Variants in PVALB observed in about 807,000 individuals in gnomAD.
The protein encoded by PVALB is parvalbumin.
Under a neutral mutation model 10.9 loss-of-function variants are expected in PVALB, and 11 were observed. The ratio of observed to expected loss-of-function variants is 1.01; its 90% CI spans 0.63 to 1.67. PVALB has a LOEUF of 1.67. Among genes scored for constraint, PVALB ranks in the 40% most tolerant of loss-of-function variants. The pLI is 0.00. For synonymous variants in PVALB, 57 were observed against 50.7 expected, an observed-to-expected ratio of 1.12 and a Z score of -0.53; for missense variants, 131 against 136.2, an observed-to-expected ratio of 0.96 and a Z score of 0.19.
intron 3 of PVALB, among the ~76,000 whole-genome samples, chr22:36,804,258 C>A (rs1026968378): frequency 6.6e-6 from 1 of 152,154 alleles, no homozygotes; most frequent in East Asian, 1.9e-4. Context: ...GCTGGTGTGA[C>A]GGGGACCCAG....
chr22:36,809,613 A>T (rs1482269212), intron 3 of PVALB, among the ~76,000 whole-genome samples: 1 of 152,222 alleles, frequency 6.6e-6, no homozygotes, highest in Non-Finnish European at 1.5e-5. Context: ...TGGGAATCAT[A>T]ATAGTATACA....
In PVALB at chr22:36,815,096, C is replaced by T. The variant is rs944040624; in HGVS notation, c.194+7G>A. ...GGGCTGGGCAGCCCCTGCAGGCCTC[C>T]GCTTACCCCAGCTCATCCTCCTCGA... On this transcript the variant is annotated splice_region_variant and intron_variant, in intron 2 of 3. Transcript: ENST00000417718. 8.7e-6 allele frequency: 14 copies of T among 1,613,894 alleles called. No individual in the cohort carries two copies. The highest frequency in any genetic ancestry group is 1.7e-5 in the Admixed American group (1 of 59,998).
intron 3 of PVALB, among the ~76,000 whole-genome samples, chr22:36,803,644 G>T (rs2145945309): frequency 7.0e-6 from 1 of 143,358 alleles, no homozygotes; most frequent in African/African-American, 2.5e-5. Context: ...TAAAGGGAGA[G>T]AAAGATGAAT....
At chr22:36,818,992 C>T (rs1438925472), upstream of PVALB, among the ~76,000 whole-genome samples, 2 of 152,192 alleles carry the variant, frequency 1.3e-5, no homozygotes, top group Non-Finnish European at 2.9e-5. Context: ...CTCCTTCCTC[C>T]ATCTCTCCCT....
At chr22:36,803,579 A>G (rs552309431) in intron 3 of PVALB, among the ~76,000 whole-genome samples, 103 of 151,042 alleles carry the variant, frequency 6.8e-4, no homozygotes, top group Non-Finnish European at 1.2e-3. Context: ...GGATGGATGG[A>G]TGGATGAGGA....
At chr22:36,803,095 A>G (rs1231664142) in intron 3 of PVALB, among the ~76,000 whole-genome samples, 1 of 152,208 alleles carries the variant, frequency 6.6e-6, no homozygotes, top group African/African-American at 2.4e-5. Context: ...ATATTATCTC[A>G]TTGAATCCTC....
upstream of PVALB, chr22:36,817,301 C>T (rs936670745): frequency 3.0e-5 from 8 of 270,208 alleles, no homozygotes; most frequent in African/African-American, 1.8e-4. Context: ...AGGGAAGGGG[C>T]CACCTCTGGG....
rs375835904 is a variant in PVALB, at chr22:36,800,923, A to C, written c.305-5T>G. On this transcript the variant is annotated splice_polypyrimidine_tract_variant and splice_region_variant and intron_variant, in intron 3 of 3. Transcript: ENST00000417718. ...CAGCCACCAGAGTGGAGAATTCTGCAGAACAAAATGACAAGGAAAGTGAGT... is the reference window on the plus strand; with the variant it reads ...CAGCCACCAGAGTGGAGAATTCTGCCGAACAAAATGACAAGGAAAGTGAGT... 2.7e-5 allele frequency: 44 copies of C among 1,610,610 alleles called. No homozygotes were observed. In the African/African-American group the frequency reaches 5.5e-4, roughly 20 times the overall value.
upstream of PVALB, among the ~76,000 whole-genome samples, chr22:36,818,231 G>A (rs1485598945): frequency 6.6e-6 from 1 of 152,118 alleles, no homozygotes; most frequent in Non-Finnish European, 1.5e-5. Context: ...GTCCCATGTA[G>A]TGGGACCTGG....
chr22:36,806,399 G>T (rs781576405), intron 3 of PVALB, among the ~76,000 whole-genome samples: 2 of 152,146 alleles, frequency 1.3e-5, no homozygotes, highest in Non-Finnish European at 2.9e-5. Flanking sequence ...ACTGAAATTA[G>T]CCTAATTAGG....
At chr22:36,817,520 C>G (rs539768659), upstream of PVALB, 4 of 152,856 alleles carry the variant, frequency 2.6e-5, no homozygotes, top group South Asian at 8.3e-4. Flanking sequence ...AGCCTCTGCT[C>G]TGGTCTGTCC....
At chr22:36,801,324 A>G (rs1021464806) in intron 3 of PVALB, among the ~76,000 whole-genome samples, 9 of 152,134 alleles carry the variant, frequency 5.9e-5, no homozygotes, top group African/African-American at 2.2e-4. Context: ...TTCCTGTTCT[A>G]CAGATGAAGA....
At chr22:36,814,364 G>A (rs898811947) in intron 2 of PVALB, among the ~76,000 whole-genome samples, 1 of 151,946 alleles carries the variant, frequency 6.6e-6, no homozygotes, top group African/African-American at 2.4e-5. Context: ...CTAGACAGAA[G>A]GTACCCTTGT....
intron 1 of PVALB, 115 bp downstream of exon 1, chr22:36,816,830 G>C (rs1435791034): frequency 2.3e-6 from 2 of 859,928 alleles, no homozygotes; most frequent in Non-Finnish European, 3.4e-6. Flanking sequence ...CGCCCAGCGG[G>C]AAGTGTGGGC....
In PVALB at chr22:36,813,713, A is replaced by G. The variant is rs1273440441; in HGVS notation, c.237T>C (p.Ser79=). The part of the protein sequence containing the change: ...KGFSPDARDL[S]AKETKMLMAA... ...CCATCAGCATCTTGGTTTCTTTAGCAGACAGGTCTCTGGCATCTGGGGAGA... is the reference window on the plus strand; with the variant it reads ...CCATCAGCATCTTGGTTTCTTTAGCGGACAGGTCTCTGGCATCTGGGGAGA... Residue 79 remains serine, a synonymous_variant, in exon 3 of 4, where the codon TCT becomes TCC. Coordinates refer to ENST00000417718, the MANE Select transcript of PVALB (RefSeq NM_001315532.2). The G allele has an allele frequency of 6.2e-7, 1 of 1,614,128 alleles. No individual in the cohort carries two copies. The highest frequency in any genetic ancestry group is 1.7e-5 in the Admixed American group (1 of 60,024).
chr22:36,816,641 C>T (rs1394601395), intron 1 of PVALB, among the ~76,000 whole-genome samples: 2 of 152,224 alleles, frequency 1.3e-5, no homozygotes, highest in Admixed American at 6.5e-5. Context: ...GTCTCTCCTC[C>T]GACCCTGGTC....
At chr22:36,810,357 A>G (rs1203360397) in intron 3 of PVALB, among the ~76,000 whole-genome samples, 1 of 152,160 alleles carries the variant, frequency 6.6e-6, no homozygotes. Context: ...CTGGGCCCCA[A>G]AAAGGCTCTG....
chr22:36,817,606 G>GCAGGGA (rs1174732598), upstream of PVALB: 1 of 155,090 alleles, frequency 6.4e-6, no homozygotes, highest in African/African-American at 2.4e-5. Context: ...GGAGGAGGTG[G>GCAGGGA]CAGGGACAGG....
At chr22:36,808,429 C>T (rs1307023122) in intron 3 of PVALB, among the ~76,000 whole-genome samples, 2 of 152,188 alleles carry the variant, frequency 1.3e-5, no homozygotes, top group Non-Finnish European at 2.9e-5. Flanking sequence ...GGCTGGACCA[C>T]CGAGCCTCAG....
Sources: gnomAD v4.1 joint callset for allele counts (sites outside exome capture counted in the v4.1 genomes callset) on GRCh38, gnomAD v4.1.1 for gene constraint, MANE v1.5 for transcripts, NCBI Gene and HGNC (gene_info 2026-07-23, HGNC 2026-07-21) for gene names.